SYN3: variants seen among roughly 807,000 people sequenced by gnomAD.
SYN3 encodes the protein synapsin III.
Under a neutral mutation model 65.8 loss-of-function variants are expected in SYN3, and 35 were observed. That is an observed-to-expected ratio of 0.53 (90% CI 0.41 to 0.70). The LOEUF (loss-of-function observed/expected upper bound fraction) is 0.70. Ranked by LOEUF, SYN3 falls within the 30% of genes least tolerant of loss-of-function variation. The pLI is 0.00. For missense variants in SYN3, 680 were observed against 749.0 expected, an observed-to-expected ratio of 0.91 and a Z score of 1.08; for synonymous variants, 270 against 292.9, an observed-to-expected ratio of 0.92 and a Z score of 0.80.
At chr22:32,569,435 CT>C (rs1569047847) in intron 7 of SYN3, among the ~76,000 whole-genome samples, 2 of 150,140 alleles carry the variant, frequency 1.3e-5, no homozygotes, top group African/African-American at 5.0e-5. Flanking sequence ...ATCTATCTAT[CT>C]ATCTATCTAT....
At chr22:32,671,658 C>CAT (rs130741) in intron 6 of SYN3, among the ~76,000 whole-genome samples, 2 of 149,796 alleles carry the variant, frequency 1.3e-5, no homozygotes, top group African/African-American at 2.5e-5. Flanking sequence ...GATGCACACA[C>CAT]GCTGTCACAC....
intron 6 of SYN3, among the ~76,000 whole-genome samples, chr22:32,676,528 C>CT (rs879196572): frequency 0.052 from 4,627 of 88,442 alleles, 451 homozygotes; most frequent in Non-Finnish European, 0.066. Flanking sequence ...TCTTTTCTTT[C>CT]TTTTTTTTTT....
intron 6 of SYN3, among the ~76,000 whole-genome samples, chr22:32,814,667 A>T (rs1434191772): frequency 1.3e-5 from 2 of 152,194 alleles, no homozygotes; most frequent in African/African-American, 4.8e-5. Flanking sequence ...AGAATGCTCC[A>T]CCTGGATAGT....
intron 6 of SYN3, among the ~76,000 whole-genome samples, chr22:32,814,339 G>GGA (rs1555970124): frequency 4.8e-4 from 5 of 10,354 alleles, no homozygotes; most frequent in African/African-American, 1.0e-3. Context: ...AAGAAAGAAA[G>GGA]AGAAAGAAAG....
intron 13 of SYN3, among the ~76,000 whole-genome samples, 169 bp downstream of exon 13, chr22:32,517,874 T>TG: frequency 6.6e-6 from 1 of 152,302 alleles, no homozygotes; most frequent in Non-Finnish European, 1.5e-5. Context: ...CTCACCTTGT[T>TG]GGGCCTCCCC....
intron 6 of SYN3, among the ~76,000 whole-genome samples, chr22:32,815,382 G>A (rs989529129): frequency 6.6e-6 from 1 of 152,114 alleles, no homozygotes; most frequent in Non-Finnish European, 1.5e-5. Context: ...ACAGCAGCTT[G>A]GTTTAAGAGA....
At chr22:32,717,389 T>C (rs16991084) in intron 6 of SYN3, among the ~76,000 whole-genome samples, 20,159 of 152,134 alleles carry the variant, frequency 0.13, 2,123 homozygotes, top group East Asian at 0.59. Flanking sequence ...ATCTCTCCCA[T>C]ATCGGGTGAA....
chr22:33,043,120 T>A (rs960429076), intron 1 of SYN3, among the ~76,000 whole-genome samples: 3 of 152,222 alleles, frequency 2.0e-5, no homozygotes, highest in African/African-American at 7.2e-5. Context: ...TGGGACTAAC[T>A]CTAAGAATAC....
At chr22:32,974,726 C>A (rs1181071718) in intron 3 of SYN3, among the ~76,000 whole-genome samples, 1 of 152,104 alleles carries the variant, frequency 6.6e-6, no homozygotes, top group Non-Finnish European at 1.5e-5. Context: ...TTTGATAGTG[C>A]AGCCTGAAGT....
At chr22:32,869,559 C>A (rs531988777) in intron 4 of SYN3, among the ~76,000 whole-genome samples, 1 of 152,056 alleles carries the variant, frequency 6.6e-6, no homozygotes, top group Admixed American at 6.6e-5. Context: ...CAAACGAGCA[C>A]CCTGAGGCTC....
chr22:32,942,869 A>G (rs2050983508), intron 3 of SYN3, among the ~76,000 whole-genome samples: 1 of 152,232 alleles, frequency 6.6e-6, no homozygotes, highest in Non-Finnish European at 1.5e-5. Flanking sequence ...AATGAATGAA[A>G]TGAAGTGAGA....
intron 6 of SYN3, among the ~76,000 whole-genome samples, chr22:32,842,774 G>T (rs1462116633): frequency 6.6e-6 from 1 of 152,094 alleles, no homozygotes; most frequent in African/African-American, 2.4e-5. Context: ...GAGCACAAAG[G>T]TCTAAACAGA....
chr22:32,812,792 C>G (rs1014236269), intron 6 of SYN3, among the ~76,000 whole-genome samples: 1 of 152,124 alleles, frequency 6.6e-6, no homozygotes, highest in African/African-American at 2.4e-5. Context: ...AACGTGTGCC[C>G]CATTGGGCAG....
intron 1 of SYN3, among the ~76,000 whole-genome samples, chr22:33,056,466 C>T (rs2054255586): frequency 6.6e-6 from 1 of 152,186 alleles, no homozygotes; most frequent in Admixed American, 6.5e-5. Flanking sequence ...TAGTCAGGAA[C>T]TGTCCTGCTG....
At chr22:32,847,740 G>A (rs2048109355) in intron 6 of SYN3, among the ~76,000 whole-genome samples, 1 of 152,214 alleles carries the variant, frequency 6.6e-6, no homozygotes, top group South Asian at 2.1e-4. Context: ...TACTTAACAA[G>A]CATTTATTGA....
At chr22:33,020,405 G>T (rs1263991619) in intron 1 of SYN3, among the ~76,000 whole-genome samples, 4 of 152,154 alleles carry the variant, frequency 2.6e-5, no homozygotes, top group African/African-American at 9.7e-5. Context: ...GGACATAGGA[G>T]ATGGGGTATT....
intron 6 of SYN3, among the ~76,000 whole-genome samples, chr22:32,786,020 A>AG (rs201782189): frequency 1.3e-3 from 150 of 118,998 alleles, no homozygotes; most frequent in African/African-American, 4.4e-3. Flanking sequence ...AAGAAGAAGA[A>AG]AAAAAAAATA....
intron 2 of SYN3, among the ~76,000 whole-genome samples, chr22:32,981,665 A>T (rs1448049166): frequency 1.3e-5 from 2 of 152,124 alleles, no homozygotes; most frequent in Non-Finnish European, 2.9e-5. Context: ...AAGAAAAAGG[A>T]TCCCACATAA....
chr22:32,779,918 C>T (rs555673739), intron 6 of SYN3, among the ~76,000 whole-genome samples: 204 of 152,074 alleles, frequency 1.3e-3, no homozygotes, highest in African/African-American at 4.8e-3. Context: ...AGGAACAAAG[C>T]GCTCCCTTTT....
Sources: gnomAD v4.1 joint callset for allele counts (sites outside exome capture counted in the v4.1 genomes callset) on GRCh38, gnomAD v4.1.1 for gene constraint, MANE v1.5 for transcripts, NCBI Gene and HGNC (gene_info 2026-07-23, HGNC 2026-07-21) for gene names.